The following PRKN variants were observed in gnomAD, a reference collection of about 807,000 sequenced individuals.
PRKN encodes the protein parkin RBR E3 ubiquitin protein ligase.
A neutral mutation model predicts 59.5 loss-of-function variants in PRKN; 56 were observed. That is an observed-to-expected ratio of 0.94 (90% CI 0.76 to 1.18). The LOEUF is 1.18. PRKN is among the 50% of genes most tolerant of loss of function. The pLI, the probability that PRKN is intolerant of heterozygous loss-of-function variation, is 0.00. For missense variants in PRKN, 657 were observed against 596.4 expected (o/e 1.10, Z -1.06); for synonymous variants, 250 against 222.1 (o/e 1.13, Z -1.12).
chr6:161,714,066 G>A (rs6907603), intron 7 of PRKN, among the ~76,000 whole-genome samples: 3,658 of 152,236 alleles, frequency 0.024, 166 homozygotes, highest in African/African-American at 0.084. Context: ...TCCAGCCTCA[G>A]GTATGTCTTT....
At chr6:162,213,779 TA>T (rs1341673423) in intron 3 of PRKN, among the ~76,000 whole-genome samples, 2 of 124,020 alleles carry the variant, frequency 1.6e-5, no homozygotes, top group African/African-American at 6.0e-5. Context: ...ATTACTATAG[TA>T]AAAATATTTC....
chr6:162,271,757 T>C (rs939076614), intron 2 of PRKN, among the ~76,000 whole-genome samples: 3 of 152,154 alleles, frequency 2.0e-5, no homozygotes, highest in African/African-American at 7.2e-5. Flanking sequence ...GAACACTAAA[T>C]GCCAATTTAT....
chr6:161,538,317 G>C lies in PRKN; in HGVS notation c.1083+10537C>G, dbSNP rs1331620081. ...CCTGGGCCTTACCCATGGCCTTGTA[G>C]TTACTTGATATTTTTCTTCTCCTTG... is the stretch of plus-strand genomic sequence containing the variant. On this transcript the variant is annotated intron_variant, in intron 9 of 11. Transcript: ENST00000366898. This position sits in a 1 kb window ranked among gnomAD's most constrained non-coding sequence, Gnocchi z 4.2. Among the ~76,000 whole-genome samples the C allele has an allele frequency of 6.6e-6, 1 of 152,044 alleles. No homozygotes were observed. The highest frequency in any genetic ancestry group is 6.6e-5 in the Admixed American group (1 of 15,262).
intron 1 of PRKN, among the ~76,000 whole-genome samples, chr6:162,495,977 C>T (rs1562330564): frequency 1.3e-5 from 2 of 152,164 alleles, no homozygotes; most frequent in Admixed American, 6.5e-5. Flanking sequence ...TGGCCAGGTG[C>T]GGTGGCTCAC....
chr6:162,411,843 C>T (rs1461397828), intron 2 of PRKN, among the ~76,000 whole-genome samples: 3 of 152,150 alleles, frequency 2.0e-5, no homozygotes, highest in South Asian at 2.1e-4. Context: ...CACCCCACCA[C>T]ATTTAAATTA....
intron 2 of PRKN, among the ~76,000 whole-genome samples, chr6:162,415,263 A>G (rs1788570280): frequency 6.6e-6 from 1 of 152,136 alleles, no homozygotes; most frequent in African/African-American, 2.4e-5. Context: ...AAATTTTAAC[A>G]CGAGTGTCAC....
At chr6:161,516,653 C>G (rs1344247821) in intron 9 of PRKN, among the ~76,000 whole-genome samples, 1 of 150,640 alleles carries the variant, frequency 6.6e-6, no homozygotes, top group African/African-American at 2.4e-5. Flanking sequence ...CGTGGTAAAA[C>G]TCCATCTCCA....
chr6:162,329,245 C>T (rs1022591967), intron 2 of PRKN, among the ~76,000 whole-genome samples: 14 of 152,188 alleles, frequency 9.2e-5, no homozygotes, highest in East Asian at 3.9e-4. Context: ...GACGGAAGAG[C>T]GGGTGCAGCA....
intron 7 of PRKN, among the ~76,000 whole-genome samples, chr6:161,633,205 C>G (rs868138891): frequency 6.6e-6 from 1 of 152,194 alleles, no homozygotes; most frequent in South Asian, 2.1e-4. Context: ...CATACACTCC[C>G]AAAGGAGATA....
At position 162,304,532 on chromosome 6, in the gene PRKN, T is replaced by TATCTATC. The variant is rs1554297816; in HGVS notation, c.172-41774_172-41768dup. The stretch of plus-strand genomic sequence containing the variant: ...CTATCTATCTATCTATCTATCTATC[T>TATCTATC]ATCTATCTATCTATTTATCCATCTG... On this transcript the variant is annotated intron_variant, in intron 2 of 11. Transcript: ENST00000366898. Among the ~76,000 whole-genome samples, 11 of 127,966 alleles carry TATCTATC rather than the reference T, an allele frequency of 8.6e-5. No homozygotes were observed. In the South Asian group the frequency reaches 1.2e-3, roughly 14 times the overall value. The allele number at this position is 127,966 out of a possible 152,430, so 84.0% of individuals were successfully genotyped here.
intron 2 of PRKN, among the ~76,000 whole-genome samples, chr6:162,340,314 T>C (rs1427401845): frequency 2.0e-5 from 3 of 152,154 alleles, no homozygotes; most frequent in African/African-American, 4.8e-5. Flanking sequence ...TAAGTATTTA[T>C]CCAACCTTAT....
intron 4 of PRKN, among the ~76,000 whole-genome samples, chr6:162,144,704 C>T (rs192380826): frequency 3.4e-4 from 52 of 152,270 alleles, no homozygotes; most frequent in Admixed American, 1.8e-3. Flanking sequence ...TTCTAATTGA[C>T]TGCTGAGAAT....
chr6:162,186,413 T>C (rs973848749), intron 4 of PRKN, among the ~76,000 whole-genome samples: 96 of 151,776 alleles, frequency 6.3e-4, no homozygotes, highest in African/African-American at 2.3e-3. Flanking sequence ...ATGAACATCA[T>C]ATTTATAGAT....
intron 6 of PRKN, among the ~76,000 whole-genome samples, chr6:161,824,030 G>A (rs1792142092): frequency 6.6e-6 from 1 of 152,220 alleles, no homozygotes; most frequent in South Asian, 2.1e-4. Context: ...CTGCCATTTA[G>A]TGAGATGTGG....
At chr6:161,564,862 AT>A (rs1424666675) in intron 8 of PRKN, among the ~76,000 whole-genome samples, 5 of 152,148 alleles carry the variant, frequency 3.3e-5, no homozygotes. Flanking sequence ...CTTGTCCTCC[AT>A]CTGAAATCAG....
chr6:162,414,434 G>A (rs145906159), intron 2 of PRKN, among the ~76,000 whole-genome samples: 87 of 151,852 alleles, frequency 5.7e-4, no homozygotes, highest in African/African-American at 7.5e-4. Flanking sequence ...TCTGCCGGGC[G>A]TGGTGGCTCA....
chr6:161,611,408 C>T (rs1424392708), intron 7 of PRKN, among the ~76,000 whole-genome samples: 1 of 152,178 alleles, frequency 6.6e-6, no homozygotes, highest in Non-Finnish European at 1.5e-5. Flanking sequence ...TCTGTTGATG[C>T]CATTTTCCCA....
Position 161,525,724 on chromosome 6 carries a change from T to C in PRKN, c.1083+23130A>G, listed in dbSNP as rs1778993802. Among the ~76,000 whole-genome samples the C allele has an allele frequency of 6.6e-6, 1 of 152,180 alleles. No homozygotes were observed. Among genetic ancestry groups the C allele is most frequent in the South Asian group, 2.1e-4 (1 of 4,828 alleles). ...TATACTATTTTAAAAAATTATTCTATTCAGCGCATTGCATCAGAAATGCTT... is the reference window on the plus strand; with the variant it reads ...TATACTATTTTAAAAAATTATTCTACTCAGCGCATTGCATCAGAAATGCTT... On this transcript the variant is annotated intron_variant, in intron 9 of 11. Transcript: ENST00000366898. This position sits in a 1 kb window ranked among gnomAD's most constrained non-coding sequence, Gnocchi z 4.7.
intron 2 of PRKN, among the ~76,000 whole-genome samples, chr6:162,438,074 C>A (rs1789867105): frequency 6.6e-6 from 1 of 152,184 alleles, no homozygotes; most frequent in South Asian, 2.1e-4. Flanking sequence ...TTCTCCACAT[C>A]CTCACCAGCA....
Sources: gnomAD v4.1 joint callset for allele counts (sites outside exome capture counted in the v4.1 genomes callset) on GRCh38, gnomAD v4.1.1 for gene constraint, Gnocchi (gnomAD v3.1) non-coding constraint, MANE v1.5 for transcripts, NCBI Gene and HGNC (gene_info 2026-07-23, HGNC 2026-07-21) for gene names.